PPM1B: variants seen among roughly 807,000 people sequenced by gnomAD.
The protein encoded by PPM1B is protein phosphatase 1B.
A neutral mutation model predicts 43.0 loss-of-function variants in PPM1B; 22 were observed. The observed-to-expected ratio is 0.51, with a 90% CI of 0.37 to 0.73. PPM1B has a LOEUF of 0.73. PPM1B is among the 30% of genes least tolerant of loss of function. PPM1B has a pLI of 0.00. For synonymous variants in PPM1B, 217 were observed against 197.9 expected, an observed-to-expected ratio of 1.10 and a Z score of -0.81; for missense variants, 632 against 584.2, an observed-to-expected ratio of 1.08 and a Z score of -0.84.
rs574275239 is a variant in PPM1B, at chr2:44,230,269, G to C, written c.1135-144G>C. 1.8e-5 allele frequency: 27 copies of C among 1,471,052 alleles called. No individual in the cohort carries two copies. The South Asian group carries it at 3.6e-4, about 20-fold the overall frequency. 91.1% of individuals were successfully genotyped at this position (1,471,052 alleles called of 1,614,324 possible). A position where few individuals can be genotyped will look rare whatever the true frequency, so the allele number is the denominator to read the frequency against. On this transcript the variant is annotated intron_variant, in intron 5 of 5. Coordinates refer to ENST00000282412, the MANE Select transcript of PPM1B (RefSeq NM_002706.6). ...AGTTTTTATTAATTGATACAGGTAA[G>C]AATTGATATTTAATAAAATGTTCTC... is the stretch of plus-strand genomic sequence containing the variant.
intron 1 of PPM1B, among the ~76,000 whole-genome samples, chr2:44,193,044 C>T (rs1043988994): frequency 6.6e-6 from 1 of 152,190 alleles, no homozygotes; most frequent in African/African-American, 2.4e-5. Flanking sequence ...AGTGCCGATA[C>T]TTCTTCCACA....
intron 1 of PPM1B, among the ~76,000 whole-genome samples, chr2:44,176,016 C>T (rs972155725): frequency 6.6e-6 from 1 of 152,104 alleles, no homozygotes; most frequent in Non-Finnish European, 1.5e-5. Context: ...GAACTCCTGA[C>T]CTCATGATCC....
chr2:44,244,281 GA>G, exon 6 of PPM1B: 2 of 1,361,266 alleles, frequency 1.5e-6, no homozygotes, highest in Non-Finnish European at 2.0e-6. Flanking sequence ...CTGGTGACAA[GA>G]AAGGCAGTGG....
At chr2:44,189,530 C>G (rs756063872) in intron 1 of PPM1B, among the ~76,000 whole-genome samples, 28 of 143,662 alleles carry the variant, frequency 1.9e-4, no homozygotes, top group Non-Finnish European at 3.2e-4. Context: ...ATGGCGCGAT[C>G]TCAGCTCACT....
intron 1 of PPM1B, among the ~76,000 whole-genome samples, chr2:44,174,861 G>A: frequency 6.6e-6 from 1 of 152,178 alleles, no homozygotes; most frequent in Middle Eastern, 3.2e-3. Context: ...ACCTATTTGG[G>A]CAGTGTTTTT....
intron 5 of PPM1B, among the ~76,000 whole-genome samples, chr2:44,229,521 A>C (rs1383006678): frequency 6.6e-6 from 1 of 152,160 alleles, no homozygotes; most frequent in Non-Finnish European, 1.5e-5. Flanking sequence ...CTGCATTCTG[A>C]ATTCATATGA....
chr2:44,193,399 A>G (rs1012153012), intron 1 of PPM1B, among the ~76,000 whole-genome samples: 1 of 150,538 alleles, frequency 6.6e-6, no homozygotes, highest in Admixed American at 6.6e-5. Flanking sequence ...GAATTTTTTT[A>G]TTTTGAAAAA....
downstream of PPM1B, chr2:44,234,028 A>G: frequency 2.0e-6 from 2 of 979,090 alleles, no homozygotes; most frequent in Non-Finnish European, 2.4e-6. Flanking sequence ...AACATAACCA[A>G]CTTGTTACCT....
At chr2:44,185,487 T>A (rs1191174253) in intron 1 of PPM1B, among the ~76,000 whole-genome samples, 1 of 152,206 alleles carries the variant, frequency 6.6e-6, no homozygotes, top group South Asian at 2.1e-4. Flanking sequence ...AACAAAGCTA[T>A]TTCCATTTTA....
At chr2:44,180,820 T>C (rs1166511087) in intron 1 of PPM1B, among the ~76,000 whole-genome samples, 1 of 151,752 alleles carries the variant, frequency 6.6e-6, no homozygotes, top group African/African-American at 2.4e-5. Context: ...TAGTACCTAC[T>C]AGATGCCAAG....
chr2:44,208,168 G>C (rs1010228575), intron 2 of PPM1B, among the ~76,000 whole-genome samples: 1 of 151,946 alleles, frequency 6.6e-6, no homozygotes, highest in Non-Finnish European at 1.5e-5. Context: ...GATTACAGGC[G>C]TGAGCCACCG....
chr2:44,173,958 A>G (rs533166554), intron 1 of PPM1B, among the ~76,000 whole-genome samples: 1 of 152,178 alleles, frequency 6.6e-6, no homozygotes, highest in Non-Finnish European at 1.5e-5. Flanking sequence ...AAAAATAATA[A>G]TACTCTTTGT....
intron 3 of PPM1B, among the ~76,000 whole-genome samples, chr2:44,213,913 A>G (rs1361253614): frequency 2.0e-5 from 3 of 152,196 alleles, no homozygotes; most frequent in Admixed American, 6.5e-5. Flanking sequence ...GGTGGGAGGA[A>G]TTCTCTTAGT....
chr2:44,185,578 T>A (rs1026500291), intron 1 of PPM1B, among the ~76,000 whole-genome samples: 1 of 152,184 alleles, frequency 6.6e-6, no homozygotes. Context: ...CTAGCTGAGC[T>A]TTTGATTTAG....
chr2:44,175,784 G>C (rs1249012244), intron 1 of PPM1B, among the ~76,000 whole-genome samples: 3 of 140,984 alleles, frequency 2.1e-5, no homozygotes, highest in Non-Finnish European at 4.6e-5. Context: ...ATTGGTTTGA[G>C]ATTTTTTTTT....
At chr2:44,222,013 G>A (rs1669999691) in intron 5 of PPM1B, among the ~76,000 whole-genome samples, 1 of 151,944 alleles carries the variant, frequency 6.6e-6, no homozygotes. Context: ...AAAGGGTTTA[G>A]CCAGGGATTC....
Position 44,172,361 on chromosome 2 carries a change from T to A in PPM1B, c.-15+3087T>A, listed in dbSNP as rs77946615. 3.7e-3 allele frequency among the ~76,000 whole-genome samples: 557 copies of A among 152,312 alleles called. 1 individual carries two copies. The highest frequency in any genetic ancestry group is 0.013 in the African/African-American group (524 of 41,560). On this transcript the variant is annotated intron_variant, in intron 1 of 5. Transcript: ENST00000282412. The stretch of plus-strand genomic sequence containing the variant: ...CATTTCACTATGCTATACTCAAACA[T>A]TGATGGTGAAATAGAGTTTTGGGAA...
downstream of PPM1B, among the ~76,000 whole-genome samples, chr2:44,235,550 C>T (rs1287788543): frequency 7.0e-6 from 1 of 143,634 alleles, no homozygotes; most frequent in African/African-American, 2.6e-5. Context: ...TTGCAGTGAG[C>T]TGAGATCGTG....
intron 5 of PPM1B, among the ~76,000 whole-genome samples, chr2:44,220,343 A>G: frequency 6.6e-6 from 1 of 151,882 alleles, no homozygotes; most frequent in East Asian, 1.9e-4. Context: ...TTTTCTGTTT[A>G]ACATATACCA....
Sources: allele counts gnomAD v4.1 joint callset (sites outside exome capture counted in the v4.1 genomes callset), GRCh38; gene constraint gnomAD v4.1.1; transcripts MANE v1.5; gene names NCBI Gene and HGNC (gene_info 2026-07-23, HGNC 2026-07-21).